The following HERC1 variants were observed in gnomAD, a reference collection of about 807,000 sequenced individuals.
HERC1 encodes HECT and RLD domain containing E3 ubiquitin protein ligase family member 1.
Under a neutral mutation model 554.3 loss-of-function variants are expected in HERC1, and 160 were observed. The ratio of observed to expected loss-of-function variants is 0.29; its 90% confidence interval spans 0.25 to 0.33. The LOEUF is 0.33. HERC1 is among the 10% of genes least tolerant of loss of function. The pLI is 1.00. For missense variants in HERC1, 4,919 were observed against 5,918.5 expected (o/e 0.83, Z 5.54); for synonymous variants, 2,175 against 2,131.7 (o/e 1.02, Z -0.56).
chr15:63,675,524 T>G (rs1457934032), intron 37 of HERC1, among the ~76,000 whole-genome samples: 1 of 152,192 alleles, frequency 6.6e-6, no homozygotes, highest in Non-Finnish European at 1.5e-5. Context: ...GTACCTTTAC[T>G]TATAAAAACA....
At chr15:63,757,563 G>A (rs1055661883) in intron 4 of HERC1, among the ~76,000 whole-genome samples, 14 of 150,682 alleles carry the variant, frequency 9.3e-5, no homozygotes, top group African/African-American at 2.9e-4. Flanking sequence ...CACCATACCA[G>A]GCCTTTATTT....
At chr15:63,728,644 C>T (rs929810330) in intron 16 of HERC1, among the ~76,000 whole-genome samples, 4 of 152,070 alleles carry the variant, frequency 2.6e-5, no homozygotes, top group Non-Finnish European at 5.9e-5. Context: ...GAAAGGTGTT[C>T]TCAGCTAGAT....
rs557789181 is a variant in HERC1, at chr15:63,739,583, A to G, written c.2521-4734T>C. On this transcript the variant is annotated intron_variant, in intron 12 of 77. Transcript: ENST00000443617. Reference sequence around the variant, plus strand: ...GCCGAGCGCGGTGGCTCATGCCTCTAATCCCAGCACTTTGGGAGGTCGAGG... The same window carrying G: ...GCCGAGCGCGGTGGCTCATGCCTCTGATCCCAGCACTTTGGGAGGTCGAGG... Among the ~76,000 whole-genome samples, 68 of 152,034 alleles carry G rather than the reference A, an allele frequency of 4.5e-4. 3 individuals are homozygous for G. In the South Asian group the frequency reaches 0.014, roughly 31 times the overall value.
chr15:63,665,467 G>C (rs1041608080), intron 42 of HERC1, among the ~76,000 whole-genome samples: 4 of 152,170 alleles, frequency 2.6e-5, no homozygotes, highest in African/African-American at 9.7e-5. Flanking sequence ...GGGAGGCGGA[G>C]GTTGCTGCAG....
chr15:63,636,682 G>A (rs1371003912), intron 64 of HERC1, among the ~76,000 whole-genome samples: 2 of 152,164 alleles, frequency 1.3e-5, no homozygotes, highest in East Asian at 3.8e-4. Context: ...AATAGTTACA[G>A]TCATTAATGA....
intron 74 of HERC1, among the ~76,000 whole-genome samples, chr15:63,618,592 G>A (rs1026985728): frequency 6.6e-6 from 1 of 152,028 alleles, no homozygotes; most frequent in African/African-American, 2.4e-5. Flanking sequence ...ATTACCTTGG[G>A]CAGTATGGCC....
chr15:63,676,599 T>C (rs1367784470), intron 37 of HERC1, among the ~76,000 whole-genome samples: 2 of 151,780 alleles, frequency 1.3e-5, no homozygotes, highest in African/African-American at 2.4e-5. Context: ...TCTACAAAAA[T>C]ATAAAAATTA....
intron 7 of HERC1, 93 bp downstream of exon 7, chr15:63,754,412 G>A (rs1341343731): frequency 1.2e-6 from 1 of 825,062 alleles, no homozygotes; most frequent in Non-Finnish European, 1.7e-6. Context: ...CTGTATTTGA[G>A]TCATTCTACA....
intron 12 of HERC1, among the ~76,000 whole-genome samples, chr15:63,739,094 C>G (rs910837643): frequency 6.6e-6 from 1 of 151,574 alleles, no homozygotes; most frequent in Admixed American, 6.6e-5. Flanking sequence ...TCACCACTAT[C>G]CAATTTAGAA....
At chr15:63,776,921 G>A (rs2076134864) in intron 1 of HERC1, among the ~76,000 whole-genome samples, 1 of 152,198 alleles carries the variant, frequency 6.6e-6, no homozygotes, top group African/African-American at 2.4e-5. Context: ...AAGTATATTT[G>A]AGGGAAGTAA....
rs73441927 is a variant in HERC1 at position 63,630,397 on chromosome 15, T to C, written c.12966+69A>G. 7.2e-3 allele frequency: 10,629 copies of C among 1,473,684 alleles called. 508 individuals are homozygous for C. In the African/African-American group the frequency reaches 0.11, roughly 16 times the overall value. The allele number at this position is 1,473,684 out of a possible 1,614,324, so 91.3% of individuals were successfully genotyped here. ...GATTATGAATTTCCTAGCTTATCTC[T>C]TTCCCCAACTGAGGAACACTGTGAG... On this transcript the variant is annotated intron_variant, in intron 69 of 77. Transcript: ENST00000443617.
chr15:63,712,205 AAG>A lies in HERC1; in HGVS notation c.4584+568_4584+569del, dbSNP rs1304480672. On this transcript the variant is annotated intron_variant, in intron 24 of 77. Coordinates refer to ENST00000443617, the MANE Select transcript of HERC1 (RefSeq NM_003922.4). ...GAAATGTGGAAGGTGGGCACAAGGC[AAG>A]AGGTGAGGCAACCAGTTTGAAGGCT... Among the ~76,000 whole-genome samples the A allele has an allele frequency of 2.0e-5, 3 of 152,218 alleles. No individual in the cohort carries two copies. In the East Asian group the frequency reaches 5.8e-4, roughly 29 times the overall value.
chr15:63,617,360 A>G (rs567869354), intron 74 of HERC1, among the ~76,000 whole-genome samples: 2 of 152,332 alleles, frequency 1.3e-5, no homozygotes, highest in East Asian at 1.9e-4. Flanking sequence ...ATGGCTGCAT[A>G]GTATTCCATG....
At chr15:63,704,770 G>A (rs535515625) in intron 25 of HERC1, among the ~76,000 whole-genome samples, 86 of 124,806 alleles carry the variant, frequency 6.9e-4, no homozygotes, top group South Asian at 1.2e-3. Context: ...ATGGAGTCTC[G>A]CTCTGTCGCC....
At chr15:63,818,166 T>C (rs1268176631) in intron 1 of HERC1, among the ~76,000 whole-genome samples, 2 of 152,188 alleles carry the variant, frequency 1.3e-5, no homozygotes, top group East Asian at 3.8e-4. Flanking sequence ...AAGTATTATT[T>C]ATTTTTAAAT....
chr15:63,729,885 C>T (rs1268609758), intron 14 of HERC1, among the ~76,000 whole-genome samples: 3 of 151,648 alleles, frequency 2.0e-5, no homozygotes, highest in South Asian at 2.1e-4. Context: ...ATTAGCTAGG[C>T]GTGGTGGTGG....
chr15:63,792,065 CTGAT>C (rs1476409721), intron 1 of HERC1, among the ~76,000 whole-genome samples: 3 of 152,168 alleles, frequency 2.0e-5, no homozygotes, highest in African/African-American at 7.2e-5. Flanking sequence ...AGTAGGTTCA[CTGAT>C]TGATAGCTTT....
At chr15:63,693,833 G>A (rs2072258878) in intron 30 of HERC1, 131 bp downstream of exon 30, 1 of 934,092 alleles carries the variant, frequency 1.1e-6, no homozygotes. Flanking sequence ...GAGAAAAGAG[G>A]TTTGTAAATA....
At chr15:63,667,696 C>A (rs1305562825) in intron 40 of HERC1, among the ~76,000 whole-genome samples, 1 of 152,142 alleles carries the variant, frequency 6.6e-6, no homozygotes, top group African/African-American at 2.4e-5. Context: ...TACAATATCA[C>A]CTTAAGGTAG....
Sources: allele counts gnomAD v4.1 joint callset (sites outside exome capture counted in the v4.1 genomes callset), GRCh38; gene constraint gnomAD v4.1.1; transcripts MANE v1.5; gene names NCBI Gene and HGNC (gene_info 2026-07-23, HGNC 2026-07-21).